PPL: variants seen among roughly 807,000 people sequenced by gnomAD.
PPL encodes the protein periplakin.
A neutral mutation model predicts 194.4 loss-of-function variants in PPL; 198 were observed. The ratio of observed to expected loss-of-function variants is 1.02; its 90% CI spans 0.91 to 1.15. The LOEUF is 1.15. Ranked by LOEUF, PPL falls within the 50% of genes most tolerant of loss-of-function variation. The pLI is 0.00. For missense variants in PPL, 2,885 were observed against 2,294.8 expected, an observed-to-expected ratio of 1.26 and a Z score of -5.25; for synonymous variants, 1,220 against 972.4, an observed-to-expected ratio of 1.25 and a Z score of -4.74.
rs1331973000 is a variant in PPL, at chr16:4,902,523, G to A, written c.321C>T (p.Ile107=). The part of the protein sequence containing the change: ...HPQGDMIAED[I]RQLKERVTNL... ...TGGTCACACGCTCCTTCAGCTGGCG[G>A]ATACTGATGGGAGAGAGGCTCCCAC... is the stretch of plus-strand genomic sequence containing the variant. Residue 107 remains isoleucine (I), a synonymous_variant, in exon 4 of 22, where the codon ATC becomes ATT. Coordinates refer to ENST00000345988, the MANE Select transcript of PPL (RefSeq NM_002705.5). The surrounding 1 kb of genome is among the most constrained non-coding windows in gnomAD (Gnocchi z 4.0). 5.0e-6 allele frequency: 8 copies of A among 1,613,164 alleles called. No homozygotes were observed. The Middle Eastern group carries it at 8.2e-4, about 166-fold the overall frequency.
At chr16:4,890,995 C>T in intron 16 of PPL, 74 bp from the exon 17 acceptor site, 1 of 1,312,068 alleles carries the variant, frequency 7.6e-7, no homozygotes. Context: ...CCCACTGAAG[C>T]CCCTGGGCCA....
Position 4,888,224 on chromosome 16 carries a change from T to C in PPL, c.2398-6A>G, listed in dbSNP as rs897494129. 6.3e-7 allele frequency: 1 copy of C among 1,577,072 alleles called. No individual in the cohort carries two copies. Among genetic ancestry groups the C allele is most frequent in the Non-Finnish European group, 8.7e-7 (1 of 1,146,414 alleles). On this transcript the variant is annotated splice_region_variant and splice_polypyrimidine_tract_variant and intron_variant, in intron 19 of 21. Transcript: ENST00000345988. The stretch of plus-strand genomic sequence containing the variant: ...TCTGCTTCTAACTCATAGTCCTGCA[T>C]GAGGGAGAGACATGGCAGAGGGGAG...
Position 4,890,287 on chromosome 16 carries a change from C to A in PPL, c.2210G>T (p.Arg737Leu), listed in dbSNP as rs140546373. 15 of 1,614,028 alleles carry A rather than the reference C, an allele frequency of 9.3e-6. No homozygotes were observed. The African/African-American group carries it at 1.6e-4, about 17-fold the overall frequency. The change falls in exon 18 of 22, where the codon CGC becomes CTC. Residue 737 changes from arginine (R) to leucine (L), a missense_variant. By Grantham distance (102) the Arg-to-Leu change is moderately radical. Coordinates refer to ENST00000345988, the MANE Select transcript of PPL (RefSeq NM_002705.5). ...SAKAAYEHFH[R>L]GHDHVLQFLV... ...GAACTGCAGCACGTGGTCATGGCCG[C>A]GGTGGAAGTGCTCGTAGGCTGCCTT...
At chr16:4,934,920 G>A (rs1314705509) in intron 1 of PPL, among the ~76,000 whole-genome samples, 2 of 152,174 alleles carry the variant, frequency 1.3e-5, no homozygotes, top group Non-Finnish European at 2.9e-5. Flanking sequence ...CACCCGGGGA[G>A]GCATCTGACA....
chr16:4,932,649 C>T (rs193295494), intron 1 of PPL, among the ~76,000 whole-genome samples: 2 of 152,162 alleles, frequency 1.3e-5, no homozygotes, highest in Non-Finnish European at 2.9e-5. Flanking sequence ...AACTCCTGAC[C>T]TCAAGTGATC....
chr16:4,886,486 G>C (rs2088221543), intron 21 of PPL, among the ~76,000 whole-genome samples: 1 of 152,236 alleles, frequency 6.6e-6, no homozygotes, highest in Non-Finnish European at 1.5e-5. Context: ...CAGCAGCATT[G>C]TTTCCGCTCT....
chr16:4,922,285 G>A (rs1257929924), intron 1 of PPL, among the ~76,000 whole-genome samples: 13 of 152,188 alleles, frequency 8.5e-5, no homozygotes, highest in Non-Finnish European at 1.9e-4. Context: ...AACAGATATG[G>A]GGTGCTGCCT....
chr16:4,932,956 G>A (rs897099829), intron 1 of PPL, among the ~76,000 whole-genome samples: 2 of 151,802 alleles, frequency 1.3e-5, no homozygotes, highest in Non-Finnish European at 2.9e-5. Context: ...ACCCAGAGCT[G>A]CGGCCTGAAC....
intron 1 of PPL, among the ~76,000 whole-genome samples, chr16:4,933,492 T>C (rs2089251613): frequency 6.6e-6 from 1 of 152,140 alleles, no homozygotes; most frequent in African/African-American, 2.4e-5. Flanking sequence ...TCTTGGCCAC[T>C]CCATCCCACC....
At chr16:4,915,611 T>C (rs1329955080) in intron 1 of PPL, among the ~76,000 whole-genome samples, 3 of 152,160 alleles carry the variant, frequency 2.0e-5, no homozygotes, top group African/African-American at 4.8e-5. Context: ...CCGCAAGCAA[T>C]CTCACTCCAG....
intron 4 of PPL, among the ~76,000 whole-genome samples, chr16:4,901,953 T>TAAATA (rs201677158): frequency 8.0e-5 from 5 of 62,548 alleles, no homozygotes; most frequent in Non-Finnish European, 1.8e-4. Context: ...AATAAATAAA[T>TAAATA]AAATAAATAA....
chr16:4,890,389 C>G, intron 17 of PPL, 55 bp from the exon 18 acceptor site: 1 of 1,503,004 alleles, frequency 6.7e-7, no homozygotes, highest in Non-Finnish European at 8.8e-7. Context: ...CCTCACCGAG[C>G]CCTCATTTTT....
Position 4,883,640 on chromosome 16 carries a change from T to C in PPL, c.5015A>G (p.Glu1672Gly). ...HPDTGRELSPEEAHRAGLIDW... is the reference protein window; with the variant it reads ...HPDTGRELSPGEAHRAGLIDW... ...AATGAGCCCGGCACGGTGGGCTTCC[T>C]CCGGGGACAGCTCGCGGCCTGTGTC... The change falls in exon 22 of 22, where the codon GAG becomes GGG. Residue 1672 changes from glutamate (E) to glycine (G), a missense_variant. Coordinates refer to ENST00000345988, the MANE Select transcript of PPL (RefSeq NM_002705.5). This position sits in a 1 kb window ranked among gnomAD's most constrained non-coding sequence, Gnocchi z 4.8. 1 of 1,614,196 alleles carries C rather than the reference T, an allele frequency of 6.2e-7. No homozygotes were observed. Among genetic ancestry groups the C allele is most frequent in the Non-Finnish European group, 8.5e-7 (1 of 1,180,032 alleles).
At chr16:4,926,558 G>A (rs2089156924) in intron 1 of PPL, among the ~76,000 whole-genome samples, 1 of 152,114 alleles carries the variant, frequency 6.6e-6, no homozygotes, top group Non-Finnish European at 1.5e-5. Flanking sequence ...GGTAGGTTAA[G>A]GAAAAACACC....
chr16:4,883,432 C>G lies in PPL; in HGVS notation c.5223G>C (p.Lys1741Asn), dbSNP rs773378569. The change falls in exon 22 of 22, where the codon AAG (lysine) becomes AAC (asparagine). Residue 1741 changes from lysine (K) to asparagine (N), a missense_variant. Coordinates refer to ENST00000345988, the MANE Select transcript of PPL (RefSeq NM_002705.5). The surrounding 1 kb of genome is among the most constrained non-coding windows in gnomAD (Gnocchi z 4.8). ...TPAQYDRYVNKDMSIQELAVL... is the reference protein window; with the variant it reads ...TPAQYDRYVNNDMSIQELAVL... The stretch of plus-strand genomic sequence containing the variant: ...CCGCCAGCTCCTGGATGGACATATC[C>G]TTGTTGACATAGCGGTCATACTGAG... 7 of 1,614,064 alleles carry G rather than the reference C, an allele frequency of 4.3e-6. No individual in the cohort carries two copies. Among genetic ancestry groups the G allele is most frequent in the South Asian group, 3.3e-5 (3 of 91,088 alleles).
chr16:4,883,850 G>A lies in PPL; in HGVS notation c.4805C>T (p.Ala1602Val), dbSNP rs749710304. 70 of 1,613,884 alleles carry A rather than the reference G, an allele frequency of 4.3e-5. No homozygotes were observed. The highest frequency in any genetic ancestry group is 6.7e-5 in the East Asian group (3 of 44,894). Reference protein sequence around the residue: ...ETRDLRNMTVADSGTNHDSRL... With the variant: ...ETRDLRNMTVVDSGTNHDSRL... ...GGAGTCATGGTTGGTCCCAGAGTCCGCCACGGTCATGTTCCGCAGGTCTCG... is the reference window on the plus strand; with the variant it reads ...GGAGTCATGGTTGGTCCCAGAGTCCACCACGGTCATGTTCCGCAGGTCTCG... The change falls in exon 22 of 22, where the codon GCG becomes GTG. Residue 1602 changes from alanine (A) to valine (V), a missense_variant. By Grantham distance (64) the Ala-to-Val change is moderately conservative. Coordinates refer to ENST00000345988, the MANE Select transcript of PPL (RefSeq NM_002705.5). The surrounding 1 kb of genome is among the most constrained non-coding windows in gnomAD (Gnocchi z 4.8).
chr16:4,937,127 G>GGCGGCGCGGGGAGCCCGGACT lies in PPL; in HGVS notation c.-103_-83dup, dbSNP rs1173791538. 5 of 968,304 alleles carry GGCGGCGCGGGGAGCCCGGACT rather than the reference G, an allele frequency of 5.2e-6. No homozygotes were observed. The South Asian group carries it at 1.4e-4, about 28-fold the overall frequency. 60.0% of individuals were successfully genotyped at this position (968,304 alleles called of 1,614,324 possible). A position where few individuals can be genotyped will look rare whatever the true frequency, so the allele number is the denominator to read the frequency against. On this transcript the variant is annotated 5_prime_UTR_variant, in exon 1 of 22. Coordinates refer to ENST00000345988, the MANE Select transcript of PPL (RefSeq NM_002705.5). ...CGGGCGGGAGCGCAGGTGAGCGAGC[G>GGCGGCGCGGGGAGCCCGGACT]GCGGCGCGGGGAGCCCGGACTGCGG... is the stretch of plus-strand genomic sequence containing the variant.
intron 9 of PPL, among the ~76,000 whole-genome samples, chr16:4,896,490 A>C (rs1337206422): frequency 6.6e-6 from 1 of 152,192 alleles, no homozygotes; most frequent in Non-Finnish European, 1.5e-5. Context: ...AAAAGGGCAG[A>C]GATTGCATGA....
At position 4,901,308 on chromosome 16, in the gene PPL, CA is replaced by C. The variant is rs370741281; in HGVS notation, c.439-220del. 5.9e-3 allele frequency among the ~76,000 whole-genome samples: 900 copies of C among 152,322 alleles called. 12 individuals carry two copies. Among genetic ancestry groups the C allele is most frequent in the African/African-American group, 0.021 (866 of 41,576 alleles). On this transcript the variant is annotated intron_variant, in intron 4 of 21. Coordinates refer to ENST00000345988, the MANE Select transcript of PPL (RefSeq NM_002705.5). ...CATCTCACAGAGCCTCAGGGGTCCA[CA>C]TGGTTACTGTCCCATCTCTCAGATG...
Sources: allele counts gnomAD v4.1 joint callset (sites outside exome capture counted in the v4.1 genomes callset), GRCh38; gene constraint gnomAD v4.1.1; non-coding constraint Gnocchi (gnomAD v3.1); transcripts MANE v1.5; gene names NCBI Gene and HGNC (gene_info 2026-07-23, HGNC 2026-07-21).